Variants in ALPK2 observed in about 807,000 individuals in gnomAD.
ALPK2 encodes alpha-protein kinase 2.
A neutral mutation model predicts 163.1 loss-of-function variants in ALPK2; 127 were observed. That is an observed-to-expected ratio of 0.78 (90% CI 0.67 to 0.90). ALPK2 has a LOEUF of 0.90. Ranked by LOEUF, ALPK2 falls within the 40% of genes least tolerant of loss-of-function variation. The pLI, the probability that ALPK2 is intolerant of heterozygous loss-of-function variation, is 0.00. For synonymous variants in ALPK2, 953 were observed against 959.1 expected (o/e 0.99, Z 0.12); for missense variants, 2,360 against 2,589.6 (o/e 0.91, Z 1.92).
At chr18:58,602,525 A>G (rs2052076375) in intron 3 of ALPK2, among the ~76,000 whole-genome samples, 1 of 151,792 alleles carries the variant, frequency 6.6e-6, no homozygotes, top group African/African-American at 2.4e-5. Flanking sequence ...TTGCCATTGC[A>G]TCACCCCAAT....
intron 4 of ALPK2, 78 bp downstream of exon 4, chr18:58,578,736 A>ACACACACGCGCGCACACGCGCG (rs773192836): frequency 1.3e-5 from 10 of 760,802 alleles, no homozygotes; most frequent in South Asian, 1.2e-4. Flanking sequence ...AGGAAGAGAC[A>ACACACACGCGCGCACACGCGCG]CACACACACA....
chr18:58,486,114 C>T (rs999188237), intron 12 of ALPK2, among the ~76,000 whole-genome samples: 1 of 152,210 alleles, frequency 6.6e-6, no homozygotes, highest in African/African-American at 2.4e-5. Context: ...GTCAAAGGAG[C>T]GTGACTTCTG....
intron 4 of ALPK2, among the ~76,000 whole-genome samples, chr18:58,565,885 A>G (rs527433322): frequency 1.2e-4 from 18 of 151,874 alleles, no homozygotes; most frequent in Admixed American, 1.0e-3. Flanking sequence ...GGATTCAAGC[A>G]ATTCTTCTGC....
intron 12 of ALPK2, among the ~76,000 whole-genome samples, chr18:58,493,348 G>A (rs995242637): frequency 6.6e-6 from 1 of 151,994 alleles, no homozygotes; most frequent in Non-Finnish European, 1.5e-5. Flanking sequence ...TCTGCCTGGA[G>A]TCACCACTCA....
intron 1 of ALPK2, among the ~76,000 whole-genome samples, chr18:58,614,435 G>A (rs188750087): frequency 1.4e-4 from 22 of 152,266 alleles, no homozygotes; most frequent in African/African-American, 4.8e-4. Context: ...TGGGGCTCCG[G>A]TTCATACATG....
chr18:58,582,565 G>GGA (rs772536851), intron 3 of ALPK2, among the ~76,000 whole-genome samples: 1 of 134,830 alleles, frequency 7.4e-6, no homozygotes, highest in Non-Finnish European at 1.6e-5. Context: ...GATTGTTGGC[G>GGA]AAAAAAAAAA....
intron 6 of ALPK2, among the ~76,000 whole-genome samples, chr18:58,525,113 C>T (rs577140865): frequency 6.6e-6 from 1 of 152,184 alleles, no homozygotes; most frequent in Non-Finnish European, 1.5e-5. Context: ...AACAAAAATT[C>T]ACCTAGCTTG....
intron 12 of ALPK2, among the ~76,000 whole-genome samples, chr18:58,497,152 G>A (rs1013794861): frequency 6.6e-6 from 1 of 152,216 alleles, no homozygotes; most frequent in Non-Finnish European, 1.5e-5. Context: ...CTTGGCAGCT[G>A]CAAGTAACAA....
At chr18:58,556,125 A>G (rs919532358) in intron 4 of ALPK2, among the ~76,000 whole-genome samples, 1 of 152,046 alleles carries the variant, frequency 6.6e-6, no homozygotes, top group African/African-American at 2.4e-5. Flanking sequence ...CCCAGCCTTA[A>G]AAACTGTCTT....
chr18:58,507,310 G>GGT (rs200492980), intron 10 of ALPK2, among the ~76,000 whole-genome samples: 1,988 of 152,254 alleles, frequency 0.013, 31 homozygotes, highest in African/African-American at 0.046. Flanking sequence ...GCTGCCCTGG[G>GGT]GTAGGGATGG....
chr18:58,573,914 G>A (rs919669160), intron 4 of ALPK2, among the ~76,000 whole-genome samples: 3 of 151,958 alleles, frequency 2.0e-5, no homozygotes, highest in African/African-American at 7.3e-5. Flanking sequence ...GTGGGCAAAG[G>A]AATTCCAGAC....
chr18:58,625,680 C>T (rs542677593), intron 1 of ALPK2, among the ~76,000 whole-genome samples: 2 of 152,330 alleles, frequency 1.3e-5, no homozygotes, highest in South Asian at 4.1e-4. Flanking sequence ...GAGCAGGGGC[C>T]TGGTTATCTA....
In ALPK2 at chr18:58,481,942, A is replaced by G. The variant is rs773223876; in HGVS notation, c.6394T>C (p.Ser2132Pro). 7 of 1,613,840 alleles carry G rather than the reference A, an allele frequency of 4.3e-6. No individual in the cohort carries two copies. In the African/African-American group the frequency reaches 9.4e-5, roughly 22 times the overall value. ...TGTTTCTGGTTGTTGTTTTGAAGGG[A>G]TTTCAGTCCCAGCATTTTGCAATAC... ...NKYCKMLGLK[S>P]LQNNNQKQKQ... The change falls in exon 13 of 13, where the codon TCC (serine) becomes CCC (proline). Residue 2132 changes from serine to proline, a missense_variant. Ser to Pro is a moderately conservative substitution (Grantham distance 74). Coordinates refer to ENST00000361673, the MANE Select transcript of ALPK2 (RefSeq NM_052947.4).
chr18:58,524,951 CA>C (rs377122433), intron 6 of ALPK2, among the ~76,000 whole-genome samples: 3,436 of 106,066 alleles, frequency 0.032, 99 homozygotes, highest in African/African-American at 0.095. Context: ...TACTCTACAG[CA>C]AAAAAAAAAA....
chr18:58,580,018 TG>T lies in ALPK2; in HGVS notation c.757del (p.His253MetfsTer62). Reference protein sequence around the residue: ...TDGDLNNDGPHDEGLRSSQQN... With the variant: ...TDGDLNNDGPXDEGLRSSQQN... ...CTGACTAGAGCGTAAGCCTTCATCA[TG>T]AGGACCATCATTGTTCAGGTCACCA... On this transcript the variant is annotated frameshift_variant, in exon 4 of 13. Transcript: ENST00000361673. LOFTEE classifies it high-confidence loss of function. The T allele has an allele frequency of 6.2e-7, 1 of 1,614,250 alleles. No homozygotes were observed. Among genetic ancestry groups the T allele is most frequent in the Non-Finnish European group, 8.5e-7 (1 of 1,180,034 alleles).
chr18:58,483,299 T>G (rs2051321030), intron 12 of ALPK2, among the ~76,000 whole-genome samples: 1 of 152,112 alleles, frequency 6.6e-6, no homozygotes, highest in South Asian at 2.1e-4. Context: ...CAGAGTAACC[T>G]CTACAAAACA....
chr18:58,518,770 G>C (rs745672304), intron 8 of ALPK2, among the ~76,000 whole-genome samples: 7 of 152,124 alleles, frequency 4.6e-5, no homozygotes, highest in Admixed American at 6.5e-5. Context: ...CCAGGGCTGT[G>C]GAAATGCCTT....
chr18:58,574,291 A>C (rs1340221694), intron 4 of ALPK2, among the ~76,000 whole-genome samples: 1 of 151,536 alleles, frequency 6.6e-6, no homozygotes, highest in Non-Finnish European at 1.5e-5. Context: ...AAAAAAAAAA[A>C]AACAAAAATC....
intron 6 of ALPK2, chr18:58,528,845 A>G (rs547383053): frequency 8.3e-6 from 4 of 480,666 alleles, no homozygotes; most frequent in African/African-American, 5.9e-5. Context: ...ATGTAGTGAA[A>G]GGTTGTGTGA....
Sources: allele counts gnomAD v4.1 joint callset (sites outside exome capture counted in the v4.1 genomes callset), GRCh38; gene constraint gnomAD v4.1.1; transcripts MANE v1.5; gene names NCBI Gene and HGNC (gene_info 2026-07-23, HGNC 2026-07-21).